The following SLCO3A1 variants were observed in gnomAD, a reference collection of about 807,000 sequenced individuals.
The protein encoded by SLCO3A1 is solute carrier organic anion transporter family member 3A1.
A neutral mutation model predicts 63.1 loss-of-function variants in SLCO3A1; 27 were observed. That is an observed-to-expected ratio of 0.43 (90% confidence interval 0.32 to 0.59). SLCO3A1 has a LOEUF of 0.59. Among genes scored for constraint, SLCO3A1 ranks in the 20% least tolerant of loss-of-function variants. The pLI, the probability that SLCO3A1 is intolerant of heterozygous loss-of-function variation, is 0.09. For synonymous variants in SLCO3A1, 473 were observed against 409.9 expected, an observed-to-expected ratio of 1.15 and a Z score of -1.86; for missense variants, 773 against 945.8, an observed-to-expected ratio of 0.82 and a Z score of 2.40.
intron 2 of SLCO3A1, among the ~76,000 whole-genome samples, chr15:92,002,807 T>C (rs1210527486): frequency 2.0e-5 from 3 of 152,234 alleles, no homozygotes; most frequent in Non-Finnish European, 4.4e-5. Context: ...AAAACATCTT[T>C]TCTAGTAGAA....
intron 2 of SLCO3A1, among the ~76,000 whole-genome samples, chr15:92,083,369 A>T (rs1243894544): frequency 6.6e-6 from 1 of 152,150 alleles, no homozygotes; most frequent in East Asian, 1.9e-4. Context: ...ACTGACTGTC[A>T]TGTGAGATCT....
chr15:92,146,964 G>A lies in SLCO3A1; in HGVS notation c.1513-20G>A, dbSNP rs1330721206. 1.3e-6 allele frequency: 2 copies of A among 1,593,026 alleles called. No individual in the cohort carries two copies. The highest frequency in any genetic ancestry group is 1.7e-6 in the Non-Finnish European group (2 of 1,170,412). On this transcript the variant is annotated intron_variant, in intron 7 of 9. Coordinates refer to ENST00000318445, the MANE Select transcript of SLCO3A1 (RefSeq NM_013272.4). ...ACCGGAAGTACCCCCAGATAAAAGG[G>A]CTGAACGCTTCCCTTTCAGAATCTC...
At position 92,034,371 on chromosome 15, in the gene SLCO3A1, G is replaced by A. The variant is rs148253987; in HGVS notation, c.647-60510G>A. Reference sequence around the variant, plus strand: ...AGGCTGGGGTGGGGTGTTTGGATGCGCTATGCTGGAGATACTGCTGGAACA... The same window carrying A: ...AGGCTGGGGTGGGGTGTTTGGATGCACTATGCTGGAGATACTGCTGGAACA... On this transcript the variant is annotated intron_variant, in intron 2 of 9. Coordinates refer to ENST00000318445, the MANE Select transcript of SLCO3A1 (RefSeq NM_013272.4). Among the ~76,000 whole-genome samples, 1,439 of 151,782 alleles carry A rather than the reference G, an allele frequency of 9.5e-3. 33 individuals carry two copies. The highest frequency in any genetic ancestry group is 0.032 in the African/African-American group (1,317 of 41,460).
chr15:92,063,554 T>C lies in SLCO3A1; in HGVS notation c.647-31327T>C, dbSNP rs535271496. 1.9e-3 allele frequency among the ~76,000 whole-genome samples: 283 copies of C among 152,286 alleles called. 1 individual carries two copies. Among genetic ancestry groups the C allele is most frequent in the African/African-American group, 6.7e-3 (277 of 41,554 alleles). On this transcript the variant is annotated intron_variant, in intron 2 of 9. Coordinates refer to ENST00000318445, the MANE Select transcript of SLCO3A1 (RefSeq NM_013272.4). ...ACCTGCAGTTGGTTGCTTTAAGTAG[T>C]GTAATGAAACTTTTTAAAAAATGGG...
chr15:92,097,077 C>T (rs2047548053), intron 3 of SLCO3A1, among the ~76,000 whole-genome samples: 1 of 152,150 alleles, frequency 6.6e-6, no homozygotes, highest in African/African-American at 2.4e-5. Context: ...AATGGGGAAG[C>T]CACCTTGAAG....
chr15:91,990,527 T>C (rs80037578), intron 2 of SLCO3A1, among the ~76,000 whole-genome samples: 3,785 of 152,112 alleles, frequency 0.025, 147 homozygotes, highest in African/African-American at 0.087. Context: ...GCACTGTTCT[T>C]AACCCTCTTG....
At chr15:91,994,691 A>G (rs2046169352) in intron 2 of SLCO3A1, among the ~76,000 whole-genome samples, 1 of 152,218 alleles carries the variant, frequency 6.6e-6, no homozygotes. Context: ...CTGTACAATC[A>G]TCTGTAAAAC....
intron 2 of SLCO3A1, among the ~76,000 whole-genome samples, chr15:91,958,676 C>A (rs188535868): frequency 1.3e-5 from 2 of 152,150 alleles, no homozygotes; most frequent in South Asian, 4.1e-4. Context: ...AATTCATATA[C>A]TATAAAATTT....
In SLCO3A1 at chr15:91,968,825, T is replaced by C. The variant is rs1041165130; in HGVS notation, c.646+52367T>C. 6.6e-6 allele frequency among the ~76,000 whole-genome samples: 1 copy of C among 152,224 alleles called. No homozygotes were observed. The highest frequency in any genetic ancestry group is 1.5e-5 in the Non-Finnish European group (1 of 68,044). On this transcript the variant is annotated intron_variant, in intron 2 of 9. Transcript: ENST00000318445. The surrounding 1 kb of genome is among the most constrained non-coding windows in gnomAD (Gnocchi z 4.2). ...TGGTTACCCTTAGGGTGGCGCTGTT[T>C]ATTGGCGCCTTTTTGCTTGGCACAT...
chr15:91,992,470 C>G (rs944794511), intron 2 of SLCO3A1, among the ~76,000 whole-genome samples: 4 of 152,188 alleles, frequency 2.6e-5, no homozygotes, highest in Non-Finnish European at 1.5e-5. Flanking sequence ...TTCCTTACTA[C>G]TGCATCGTTG....
In SLCO3A1 at chr15:92,118,486, T is replaced by C. The variant is rs189627137; in HGVS notation, c.1010-1979T>C. On this transcript the variant is annotated intron_variant, in intron 4 of 9. Coordinates refer to ENST00000318445, the MANE Select transcript of SLCO3A1 (RefSeq NM_013272.4). ...CCTGGAAATGGTAAATTCTAAGTTT[T>C]GTATATCTGCCAGTTCTTGACTTAT... 4.2e-3 allele frequency among the ~76,000 whole-genome samples: 647 copies of C among 152,352 alleles called. 3 individuals carry two copies. Among genetic ancestry groups the C allele is most frequent in the Non-Finnish European group, 6.8e-3 (463 of 68,044 alleles).
intron 4 of SLCO3A1, among the ~76,000 whole-genome samples, chr15:92,105,325 C>G (rs1420666764): frequency 6.6e-6 from 1 of 152,132 alleles, no homozygotes; most frequent in Non-Finnish European, 1.5e-5. Flanking sequence ...TTCACTTTGT[C>G]CTTTCATTGT....
rs1008519519 is a variant in SLCO3A1 at position 91,862,620 on chromosome 15, G to A, written c.180+8532G>A. On this transcript the variant is annotated intron_variant, in intron 1 of 9. Transcript: ENST00000318445. This position sits in a 1 kb window ranked among gnomAD's most constrained non-coding sequence, Gnocchi z 4.0. ...GCTCTAAAGTCTCTTCTGGCTCTCC[G>A]TCCATTGATACCTAAATTTCTAGTT... 3.9e-5 allele frequency among the ~76,000 whole-genome samples: 6 copies of A among 152,130 alleles called. No individual in the cohort carries two copies. Among genetic ancestry groups the A allele is most frequent in the Non-Finnish European group, 7.3e-5 (5 of 68,032 alleles).
chr15:92,167,222 G>C (rs1755980424), downstream of SLCO3A1, among the ~76,000 whole-genome samples: 1 of 152,164 alleles, frequency 6.6e-6, no homozygotes, highest in Admixed American at 6.5e-5. Context: ...CCACATATCT[G>C]GCCAGAAGCC....
chr15:92,054,431 G>T (rs2046997995), intron 2 of SLCO3A1, among the ~76,000 whole-genome samples: 1 of 152,130 alleles, frequency 6.6e-6, no homozygotes, highest in African/African-American at 2.4e-5. Context: ...TCACTGAAAT[G>T]CTTTTTAAGT....
chr15:92,147,722 G>A (rs1567146761), intron 8 of SLCO3A1, among the ~76,000 whole-genome samples: 1 of 152,194 alleles, frequency 6.6e-6, no homozygotes, highest in Non-Finnish European at 1.5e-5. Flanking sequence ...TTGCTGGAGA[G>A]AGCCAACCGA....
chr15:92,166,290 T>TC (rs2048493212), downstream of SLCO3A1, among the ~76,000 whole-genome samples: 2 of 151,888 alleles, frequency 1.3e-5, no homozygotes, highest in South Asian at 4.2e-4. Context: ...CCTCTCACGG[T>TC]CCCCCCGAGG....
chr15:91,946,483 G>A (rs550288832), intron 2 of SLCO3A1, among the ~76,000 whole-genome samples: 5 of 152,344 alleles, frequency 3.3e-5, no homozygotes, highest in African/African-American at 1.2e-4. Context: ...AGATTTGAAA[G>A]TGGCCAGTAT....
In SLCO3A1 at chr15:92,172,246, C is replaced by T. The variant is rs139589975; in HGVS notation, c.*384C>T. 12 of 180,086 alleles carry T rather than the reference C, an allele frequency of 6.7e-5. No homozygotes were observed. The East Asian group carries it at 1.8e-3, about 27-fold the overall frequency. 11.2% of individuals were successfully genotyped at this position (180,086 alleles called of 1,614,324 possible). On this transcript the variant is annotated 3_prime_UTR_variant, in exon 11 of 11. Transcript: ENST00000424469. ...CTCCAACAGCTTTAATGAAATCAGC[C>T]GAGAGGGTAAAAACCAACCTGTTGC...
Sources: allele counts gnomAD v4.1 joint callset (sites outside exome capture counted in the v4.1 genomes callset), GRCh38; gene constraint gnomAD v4.1.1; non-coding constraint Gnocchi (gnomAD v3.1); transcripts MANE v1.5; gene names NCBI Gene and HGNC (gene_info 2026-07-23, HGNC 2026-07-21).